Variants in GRIA4 observed in about 807,000 individuals in gnomAD.
The protein encoded by GRIA4 is glutamate ionotropic receptor AMPA type subunit 4, also known as glutamate receptor 4.
A neutral mutation model predicts 104.0 loss-of-function variants in GRIA4; 34 were observed. That is an observed-to-expected ratio of 0.33 (90% CI 0.25 to 0.44). The LOEUF is 0.44. Among genes scored for constraint, GRIA4 ranks in the 20% least tolerant of loss-of-function variants. The pLI is 1.00. For missense variants in GRIA4, 750 were observed against 1,096.5 expected (o/e 0.68, Z 4.46); for synonymous variants, 386 against 381.9 (o/e 1.01, Z -0.13).
intron 10 of GRIA4, chr11:105,911,852 TC>T: frequency 1.4e-6 from 2 of 1,408,560 alleles, no homozygotes; most frequent in Non-Finnish European, 1.9e-6. Flanking sequence ...AAGTCATACT[TC>T]AGTACAGTCC....
intron 11 of GRIA4, among the ~76,000 whole-genome samples, chr11:105,924,129 G>A (rs1365803173): frequency 1.3e-5 from 2 of 152,072 alleles, no homozygotes; most frequent in African/African-American, 4.8e-5. Context: ...TTGAGTTCAA[G>A]TTATTTTTGC....
chr11:105,648,710 A>C (rs1445867842), intron 3 of GRIA4, among the ~76,000 whole-genome samples: 1 of 152,188 alleles, frequency 6.6e-6, no homozygotes, highest in East Asian at 1.9e-4. Context: ...AAACCAACAA[A>C]TGAGTGCCAC....
chr11:105,965,811 G>A (rs1012576479), intron 14 of GRIA4: 2 of 687,068 alleles, frequency 2.9e-6, no homozygotes, highest in African/African-American at 1.8e-5. Context: ...GGACTCCAGA[G>A]GAAGGGGCTG....
intron 14 of GRIA4, among the ~76,000 whole-genome samples, chr11:105,964,518 A>G (rs941234935): frequency 1.3e-5 from 2 of 152,224 alleles, no homozygotes; most frequent in African/African-American, 2.4e-5. Context: ...TTGCAAATCA[A>G]TTATTCAACT....
At chr11:105,884,015 G>C (rs923011855) in intron 5 of GRIA4, among the ~76,000 whole-genome samples, 10 of 152,152 alleles carry the variant, frequency 6.6e-5, no homozygotes, top group African/African-American at 2.4e-4. Flanking sequence ...ACCACAATGA[G>C]ATACCATCTC....
chr11:105,616,487 C>A (rs1466064544), intron 3 of GRIA4, among the ~76,000 whole-genome samples: 1 of 151,718 alleles, frequency 6.6e-6, no homozygotes. Flanking sequence ...GTAGGCTCTG[C>A]AGGATTTTCC....
intron 3 of GRIA4, among the ~76,000 whole-genome samples, chr11:105,716,294 A>T (rs1464318216): frequency 2.6e-5 from 4 of 152,184 alleles, no homozygotes; most frequent in Non-Finnish European, 4.4e-5. Context: ...CAGAAGAAAG[A>T]AATAAAACAG....
In GRIA4 at chr11:105,836,280, G is replaced by T. The variant is rs547814227; in HGVS notation, c.488-25744G>T. Among the ~76,000 whole-genome samples, 7 of 152,124 alleles carry T rather than the reference G, an allele frequency of 4.6e-5. No individual in the cohort carries two copies. The East Asian group carries it at 1.2e-3, about 25-fold the overall frequency. ...TTGCTCTATTTGACTCACTTATCTTGCTCAGGGGGCAAAAGGAGGGAAATA... is the reference window on the plus strand; with the variant it reads ...TTGCTCTATTTGACTCACTTATCTTTCTCAGGGGGCAAAAGGAGGGAAATA... On this transcript the variant is annotated intron_variant, in intron 4 of 16. Transcript: ENST00000282499.
chr11:105,722,494 A>C (rs1937892708), intron 3 of GRIA4, among the ~76,000 whole-genome samples: 1 of 152,112 alleles, frequency 6.6e-6, no homozygotes, highest in Non-Finnish European at 1.5e-5. Context: ...TTTTAGAATC[A>C]TTTACCAGAA....
At chr11:105,887,612 C>G in intron 6 of GRIA4, 40 bp downstream of exon 6, 1 of 863,654 alleles carries the variant, frequency 1.2e-6, no homozygotes, top group Non-Finnish European at 1.9e-6. Context: ...AAGAATTGCT[C>G]AAGCACACAA....
intron 3 of GRIA4, among the ~76,000 whole-genome samples, chr11:105,725,314 G>A (rs1479268548): frequency 1.3e-5 from 2 of 152,116 alleles, no homozygotes; most frequent in Non-Finnish European, 2.9e-5. Context: ...TGGAGGACTA[G>A]ATAACTAAAT....
intron 4 of GRIA4, among the ~76,000 whole-genome samples, chr11:105,782,612 GGTCTGTGA>G (rs1189944279): frequency 2.0e-5 from 3 of 152,044 alleles, no homozygotes; most frequent in Non-Finnish European, 4.4e-5. Context: ...TACTCTCTGG[GGTCTGTGA>G]TTTCTCAAGT....
At chr11:105,822,788 T>C (rs1943623588) in intron 4 of GRIA4, among the ~76,000 whole-genome samples, 2 of 152,148 alleles carry the variant, frequency 1.3e-5, no homozygotes, top group Admixed American at 6.6e-5. Context: ...GGGGTTAATA[T>C]GTCACAAAAG....
At chr11:105,946,597 A>C (rs1009005241) in intron 14 of GRIA4, among the ~76,000 whole-genome samples, 25 of 152,270 alleles carry the variant, frequency 1.6e-4, no homozygotes, top group African/African-American at 6.0e-4. Flanking sequence ...AAAAAAATAA[A>C]TAAAAGCTAA....
chr11:105,665,082 T>C (rs1255907466), intron 3 of GRIA4, among the ~76,000 whole-genome samples: 1 of 152,022 alleles, frequency 6.6e-6, no homozygotes, highest in Non-Finnish European at 1.5e-5. Flanking sequence ...CATAATTTGA[T>C]TTACCAAATA....
intron 3 of GRIA4, among the ~76,000 whole-genome samples, chr11:105,651,402 T>C (rs537806663): frequency 6.6e-6 from 1 of 152,154 alleles, no homozygotes; most frequent in Non-Finnish European, 1.5e-5. Context: ...TACTCAGATA[T>C]ATCAACTCAG....
At chr11:105,660,648 T>G (rs983868475) in intron 3 of GRIA4, among the ~76,000 whole-genome samples, 1 of 151,396 alleles carries the variant, frequency 6.6e-6, no homozygotes, top group African/African-American at 2.4e-5. Flanking sequence ...TAGGACTGGG[T>G]TTTCTGAAAG....
intron 13 of GRIA4, among the ~76,000 whole-genome samples, chr11:105,927,980 G>A (rs569857131): frequency 1.5e-4 from 23 of 151,890 alleles, no homozygotes; most frequent in African/African-American, 4.8e-4. Context: ...CTCTTTGTTC[G>A]TGCCTACATA....
chr11:105,802,383 T>C (rs1942758531), intron 4 of GRIA4, among the ~76,000 whole-genome samples: 1 of 152,058 alleles, frequency 6.6e-6, no homozygotes, highest in Non-Finnish European at 1.5e-5. Context: ...GTACTCACAA[T>C]ATGAAGATGA....
Sources: gnomAD v4.1 joint callset for allele counts (sites outside exome capture counted in the v4.1 genomes callset) on GRCh38, gnomAD v4.1.1 for gene constraint, MANE v1.5 for transcripts, NCBI Gene and HGNC (gene_info 2026-07-23, HGNC 2026-07-21) for gene names.